RAI14: variants seen among roughly 807,000 people sequenced by gnomAD.
RAI14 encodes retinoic acid induced 14.
A neutral mutation model predicts 115.4 loss-of-function variants in RAI14; 45 were observed. That is an observed-to-expected ratio of 0.39 (90% CI 0.31 to 0.50). The LOEUF is 0.50. Among genes scored for constraint, RAI14 ranks in the 20% least tolerant of loss-of-function variants. The probability of loss-of-function intolerance (pLI) is 0.85; values close to 1 mark genes in which losing one functional copy is unlikely to be tolerated. For synonymous variants in RAI14, 371 were observed against 415.4 expected (o/e 0.89, Z 1.30); for missense variants, 939 against 1,131.2 (o/e 0.83, Z 2.44).
intron 1 of RAI14, among the ~76,000 whole-genome samples, chr5:34,665,628 A>G (rs1425894924): frequency 6.6e-6 from 1 of 152,004 alleles, no homozygotes; most frequent in Non-Finnish European, 1.5e-5. Flanking sequence ...TCTTCCTTGG[A>G]GAAACTGATG....
In RAI14 at chr5:34,813,587, C is replaced by T. The variant is rs773605202; in HGVS notation, c.779C>T (p.Ser260Phe). 1 of 1,612,738 alleles carries T rather than the reference C, an allele frequency of 6.2e-7. No individual in the cohort carries two copies. Among genetic ancestry groups the T allele is most frequent in the South Asian group, 1.1e-5 (1 of 90,910 alleles). Reference sequence around the variant, plus strand: ...GATAACTTTCAGCATGACCAAGTCTCTAAAATAAGCTCAGAAAGAAGTGGA... The same window carrying T: ...GATAACTTTCAGCATGACCAAGTCTTTAAAATAAGCTCAGAAAGAAGTGGA... ...PTKPKQHDQV[S>F]KISSERSGTP... The change falls in exon 11 of 18, where the codon TCT (serine) becomes TTT (phenylalanine). Residue 260 changes from serine to phenylalanine, a missense_variant. Transcript: ENST00000265109.
intron 3 of RAI14, among the ~76,000 whole-genome samples, chr5:34,762,953 GTGTGTGTGTGTGTGTGTGTGTGTA>G (rs1748866129): frequency 6.7e-6 from 1 of 150,030 alleles, no homozygotes; most frequent in African/African-American, 2.5e-5. Flanking sequence ...GTGTGTGTGT[GTGTGTGTGTGTGTGTGTGTGTGTA>G]TGTGTCTGTA....
intron 2 of RAI14, among the ~76,000 whole-genome samples, chr5:34,747,871 G>A (rs1746492044): frequency 6.6e-6 from 1 of 152,198 alleles, no homozygotes; most frequent in African/African-American, 2.4e-5. Flanking sequence ...ACAGATGCTA[G>A]CCATTGCCCA....
intron 1 of RAI14, among the ~76,000 whole-genome samples, chr5:34,665,960 G>A (rs1364205284): frequency 1.3e-5 from 2 of 152,094 alleles, no homozygotes; most frequent in South Asian, 2.1e-4. Flanking sequence ...ACCATTTTTA[G>A]GATCTATTTC....
chr5:34,660,060 T>C (rs1742575209), intron 1 of RAI14, among the ~76,000 whole-genome samples: 2 of 152,118 alleles, frequency 1.3e-5, no homozygotes, highest in South Asian at 4.2e-4. Flanking sequence ...CCTGTGGTCC[T>C]AGCTACTCAG....
chr5:34,758,230 C>T (rs943322747), intron 3 of RAI14, among the ~76,000 whole-genome samples: 3 of 152,146 alleles, frequency 2.0e-5, no homozygotes, highest in African/African-American at 7.2e-5. Context: ...AGTTTCCTTA[C>T]TATAAAATGG....
At chr5:34,728,260 A>G (rs944962231) in intron 2 of RAI14, among the ~76,000 whole-genome samples, 2 of 152,160 alleles carry the variant, frequency 1.3e-5, no homozygotes, top group Non-Finnish European at 2.9e-5. Flanking sequence ...CTTGTCTCAG[A>G]TGAGACTTTG....
At chr5:34,701,275 T>G (rs544076958) in intron 2 of RAI14, among the ~76,000 whole-genome samples, 21 of 152,212 alleles carry the variant, frequency 1.4e-4, no homozygotes, top group Non-Finnish European at 3.1e-4. Flanking sequence ...CCCTAAAATA[T>G]GTTTATTTGC....
At chr5:34,779,479 G>A (rs1186532424) in intron 3 of RAI14, among the ~76,000 whole-genome samples, 2 of 152,272 alleles carry the variant, frequency 1.3e-5, no homozygotes, top group South Asian at 2.1e-4. Context: ...AAACCCCATC[G>A]TCTCAGCCCA....
intron 3 of RAI14, among the ~76,000 whole-genome samples, chr5:34,771,168 G>C (rs1288077055): frequency 4.6e-5 from 7 of 152,226 alleles, no homozygotes; most frequent in African/African-American, 1.7e-4. Flanking sequence ...ACCTCTCTGA[G>C]CATCAGTGCT....
At chr5:34,739,764 A>G (rs1181293889) in intron 2 of RAI14, among the ~76,000 whole-genome samples, 1 of 152,164 alleles carries the variant, frequency 6.6e-6, no homozygotes, top group Non-Finnish European at 1.5e-5. Context: ...ATACAGACGT[A>G]AAAGCCATGG....
intron 10 of RAI14, among the ~76,000 whole-genome samples, chr5:34,812,597 A>G (rs146440000): frequency 0.13 from 19,067 of 152,040 alleles, 1,653 homozygotes; most frequent in Non-Finnish European, 0.18. Flanking sequence ...CCCAGGAGGC[A>G]GAGGTTGCGG....
intron 2 of RAI14, among the ~76,000 whole-genome samples, chr5:34,746,954 T>C (rs548254090): frequency 1.3e-5 from 2 of 152,322 alleles, no homozygotes; most frequent in African/African-American, 4.8e-5. Flanking sequence ...CAGGGATTTC[T>C]GCTTTTGCTT....
chr5:34,824,290 G>T lies in RAI14; in HGVS notation c.2448G>T (p.Lys816Asn), dbSNP rs1030951605. 3 of 1,614,032 alleles carry T rather than the reference G, an allele frequency of 1.9e-6. No individual in the cohort carries two copies. Among genetic ancestry groups the T allele is most frequent in the Admixed American group, 1.7e-5 (1 of 60,000 alleles). Residue 816 changes from lysine to asparagine, a missense_variant, in exon 15 of 18, where the codon AAG becomes AAT. Lys to Asn is a moderately conservative substitution (Grantham distance 94). Coordinates refer to ENST00000265109, the MANE Select transcript of RAI14 (RefSeq NM_015577.3). ...KLKESVKEKE[K>N]VHSEVVQIRS... is the part of the protein sequence containing the mutation. ...AGGAATCTGTGAAAGAGAAAGAGAAGGTCCATTCAGAGGTTGTCCAGATTA... is the reference window on the plus strand; with the variant it reads ...AGGAATCTGTGAAAGAGAAAGAGAATGTCCATTCAGAGGTTGTCCAGATTA...
In RAI14 at chr5:34,824,183, G is replaced by A; in HGVS notation, c.2341G>A (p.Asp781Asn). The change falls in exon 15 of 18, where the codon GAT (aspartate) becomes AAT (asparagine). Residue 781 changes from aspartate (D) to asparagine (N), a missense_variant. Coordinates refer to ENST00000265109, the MANE Select transcript of RAI14 (RefSeq NM_015577.3). ...CTTAGAAGAGAAAGCTGCTATGACT[G>A]ATGCAATGGTACCTCGGTCTTCCTA... ...QLLEEKAAMT[D>N]AMVPRSSYEK... 1 of 1,614,194 alleles carries A rather than the reference G, an allele frequency of 6.2e-7. No homozygotes were observed. Among genetic ancestry groups the A allele is most frequent in the Non-Finnish European group, 8.5e-7 (1 of 1,180,028 alleles).
At chr5:34,765,163 GAT>G (rs1464606263) in intron 3 of RAI14, among the ~76,000 whole-genome samples, 1 of 152,202 alleles carries the variant, frequency 6.6e-6, no homozygotes, top group Admixed American at 6.5e-5. Context: ...CCCAGTCTCA[GAT>G]ATGTCTTTAT....
At chr5:34,782,709 T>G (rs141897894) in intron 3 of RAI14, among the ~76,000 whole-genome samples, 4,106 of 152,282 alleles carry the variant, frequency 0.027, 193 homozygotes, top group African/African-American at 0.093. Flanking sequence ...CCACTATACC[T>G]CCATGTTTCC....
intron 3 of RAI14, among the ~76,000 whole-genome samples, chr5:34,775,598 A>T (rs1263457255): frequency 2.6e-5 from 4 of 152,174 alleles, no homozygotes; most frequent in Non-Finnish European, 5.9e-5. Context: ...GGGCAAAAAG[A>T]TCTGAACCGA....
At chr5:34,712,802 C>T (rs148731371) in intron 2 of RAI14, among the ~76,000 whole-genome samples, 274 of 152,040 alleles carry the variant, frequency 1.8e-3, no homozygotes, top group African/African-American at 6.3e-3. Context: ...GTGCCTTTAA[C>T]GTATTAATGT....
Sources: gnomAD v4.1 joint callset for allele counts (sites outside exome capture counted in the v4.1 genomes callset) on GRCh38, gnomAD v4.1.1 for gene constraint, MANE v1.5 for transcripts, NCBI Gene and HGNC (gene_info 2026-07-23, HGNC 2026-07-21) for gene names.